The following RIT1 variants were observed in gnomAD, a reference collection of about 807,000 sequenced individuals.
RIT1 encodes Ras like without CAAX 1.
RIT1 carries 6 observed loss-of-function variants against 25.6 expected under a neutral mutation model. That is an observed-to-expected ratio of 0.23 (90% CI 0.13 to 0.46). RIT1 has a LOEUF of 0.46. Ranked by LOEUF, RIT1 falls within the 20% of genes least tolerant of loss-of-function variation. The pLI is 0.99. For missense variants in RIT1, 219 were observed against 284.4 expected (o/e 0.77, Z 1.65); for synonymous variants, 81 against 94.1 (o/e 0.86, Z 0.80).
intron 1 of RIT1, 139 bp from the exon 2 acceptor site, chr1:155,910,943 C>CT: frequency 1.3e-6 from 2 of 1,510,154 alleles, no homozygotes; most frequent in Non-Finnish European, 1.8e-6. Context: ...CCACTGCACC[C>CT]TTTCGGGTGG....
At chr1:155,904,994 G>T (rs934244131) in intron 3 of RIT1, among the ~76,000 whole-genome samples, 190 bp from the exon 4 acceptor site, 2 of 152,102 alleles carry the variant, frequency 1.3e-5, no homozygotes, top group Non-Finnish European at 2.9e-5. Flanking sequence ...CCACATAGGT[G>T]ATGATGTAGT....
At chr1:155,907,363 C>T (rs1673466300) in intron 3 of RIT1, among the ~76,000 whole-genome samples, 1 of 151,930 alleles carries the variant, frequency 6.6e-6, no homozygotes, top group African/African-American at 2.4e-5. Flanking sequence ...CCTCAGCTTC[C>T]TGAGTAGCTG....
At chr1:155,901,868 T>C (rs1673318731) in intron 5 of RIT1, among the ~76,000 whole-genome samples, 1 of 151,770 alleles carries the variant, frequency 6.6e-6, no homozygotes, top group Admixed American at 6.6e-5. Flanking sequence ...TCCCAGCACT[T>C]TGGGAGGCTG....
chr1:155,903,461 A>AAAG (rs1247585668), intron 5 of RIT1, among the ~76,000 whole-genome samples: 1 of 151,266 alleles, frequency 6.6e-6, no homozygotes, highest in East Asian at 1.9e-4. Context: ...TCAAAAAAAA[A>AAAG]AAAAAAAAAA....
rs1354654957 is a variant in RIT1, at chr1:155,904,400, A to G, written c.340T>C (p.Phe114Leu). Residue 114 changes from phenylalanine to leucine, a missense_variant, in exon 5 of 6, where the codon TTT becomes CTT. Transcript: ENST00000368323. Reference sequence around the variant, plus strand: ...CGGACTCGATAAATAAGCTGTTTAAACTCACGAACTTCATGGAAACTTCGA... The same window carrying G: ...CGGACTCGATAAATAAGCTGTTTAAGCTCACGAACTTCATGGAAACTTCGA... The part of the protein sequence containing the change: ...DRRSFHEVRE[F>L]KQLIYRVRRT... 1 of 1,613,880 alleles carries G rather than the reference A, an allele frequency of 6.2e-7. No individual in the cohort carries two copies. Among genetic ancestry groups the G allele is most frequent in the African/African-American group, 1.3e-5 (1 of 74,882 alleles).
At chr1:155,902,862 A>T (rs1256614112) in intron 5 of RIT1, among the ~76,000 whole-genome samples, 1 of 151,536 alleles carries the variant, frequency 6.6e-6, no homozygotes, top group African/African-American at 2.4e-5. Flanking sequence ...AAATTAAAAT[A>T]AAAATTAAAA....
chr1:155,903,795 G>A (rs1673368906), intron 5 of RIT1, among the ~76,000 whole-genome samples: 1 of 152,198 alleles, frequency 6.6e-6, no homozygotes, highest in East Asian at 1.9e-4. Context: ...GATCACTTGA[G>A]TCCAGGTGTT....
intron 3 of RIT1, among the ~76,000 whole-genome samples, chr1:155,905,504 C>T (rs527598541): frequency 2.6e-5 from 4 of 151,742 alleles, no homozygotes; most frequent in African/African-American, 7.2e-5. Context: ...TCAGCCGAGA[C>T]CCCATCTCTT....
chr1:155,910,735 A>G lies in RIT1; in HGVS notation c.27T>C (p.Gly9=). 1 of 1,614,234 alleles carries G rather than the reference A, an allele frequency of 6.2e-7. No homozygotes were observed. The highest frequency in any genetic ancestry group is 8.5e-7 in the Non-Finnish European group (1 of 1,180,028). ...GCCCAGCGGGGCTGCTACAGCAGCT[A>G]CCAACTGGGCGAGTTCCAGAATCCA... MDSGTRPV[G]SCCSSPAGLS... is the part of the protein sequence containing the mutation. Residue 9 remains glycine (G), a synonymous_variant, in exon 2 of 6, where the codon GGT becomes GGC. Coordinates refer to ENST00000368323, the MANE Select transcript of RIT1 (RefSeq NM_006912.6).
chr1:155,911,216 C>A (rs1233962623), intron 1 of RIT1, 27 bp downstream of exon 1: 2 of 414,326 alleles, frequency 4.8e-6, no homozygotes, highest in African/African-American at 2.2e-5. Flanking sequence ...AGCTGCTGCT[C>A]CGCCGCCAGA....
In RIT1 at chr1:155,898,190, C is replaced by T. The variant is rs774525840; in HGVS notation, c.*2198G>A. 20 of 152,202 alleles carry T rather than the reference C, an allele frequency of 1.3e-4. No individual in the cohort carries two copies. The highest frequency in any genetic ancestry group is 2.6e-4 in the Admixed American group (4 of 15,258). The allele number at this position is 152,202 out of a possible 1,614,324, so 9.4% of individuals were successfully genotyped here. On this transcript the variant is annotated 3_prime_UTR_variant, in exon 6 of 6. Transcript: ENST00000368323. ...TATGACTTATGCATATCATACCTGT[C>T]AAGCTACCTAGCACCACGAATAGAA... is the stretch of plus-strand genomic sequence containing the variant.
At chr1:155,908,131 G>A (rs1167639874) in intron 3 of RIT1, among the ~76,000 whole-genome samples, 3 of 150,100 alleles carry the variant, frequency 2.0e-5, no homozygotes, top group Non-Finnish European at 4.4e-5. Flanking sequence ...ACTCTTACAG[G>A]AGACGAGTAT....
At position 155,898,541 on chromosome 1, in the gene RIT1, ATATC is replaced by A. The variant is rs371801115; in HGVS notation, c.*1843_*1846del. ...AAAATATATATATATATATATATAT[ATATC>A]TCTTAATGTTAATAACAATTCCCTA... On this transcript the variant is annotated 3_prime_UTR_variant, in exon 6 of 6. Coordinates refer to ENST00000368323, the MANE Select transcript of RIT1 (RefSeq NM_006912.6). 0.089 allele frequency: 10,342 copies of A among 116,404 alleles called. 544 individuals are homozygous for A. Among genetic ancestry groups the A allele is most frequent in the East Asian group, 0.24 (872 of 3,584 alleles). The allele number at this position is 116,404 out of a possible 1,614,324, so 7.2% of individuals were successfully genotyped here. A position where few individuals can be genotyped will look rare whatever the true frequency, so the allele number is the denominator to read the frequency against.
In RIT1 at chr1:155,898,207, C is replaced by T. The variant is rs762245892; in HGVS notation, c.*2181G>A. 1.3e-5 allele frequency: 2 copies of T among 152,058 alleles called. No individual in the cohort carries two copies. The highest frequency in any genetic ancestry group is 1.5e-5 in the Non-Finnish European group (1 of 67,970). The allele number at this position is 152,058 out of a possible 1,614,324, so 9.4% of individuals were successfully genotyped here. On this transcript the variant is annotated 3_prime_UTR_variant, in exon 6 of 6. Coordinates refer to ENST00000368323, the MANE Select transcript of RIT1 (RefSeq NM_006912.6). Reference sequence around the variant, plus strand: ...ATACCTGTCAAGCTACCTAGCACCACGAATAGAACTAATATTAATGGATGG... The same window carrying T: ...ATACCTGTCAAGCTACCTAGCACCATGAATAGAACTAATATTAATGGATGG...
At chr1:155,910,403 TA>T (rs1673566707) in intron 3 of RIT1, 46 bp downstream of exon 3, 2 of 1,462,780 alleles carry the variant, frequency 1.4e-6, no homozygotes, top group South Asian at 2.3e-5. Flanking sequence ...TTCATTAAGA[TA>T]TTTTTATGGG....
In RIT1 at chr1:155,898,519, ATATATAT is replaced by A. The variant is rs1200298456; in HGVS notation, c.*1862_*1868del. On this transcript the variant is annotated 3_prime_UTR_variant, in exon 6 of 6. Transcript: ENST00000368323. ...AAAAAAAAAAAAAAAAAAAAAAAAA[ATATATAT>A]ATATATATATATATATATCTCTTAA... 1.2e-5 allele frequency: 1 copy of A among 80,864 alleles called. No homozygotes were observed. The highest frequency in any genetic ancestry group is 5.1e-5 in the African/African-American group (1 of 19,676). 5.0% of individuals were successfully genotyped at this position (80,864 alleles called of 1,614,324 possible).
chr1:155,901,155 T>C (rs1022215218), intron 5 of RIT1, among the ~76,000 whole-genome samples: 1 of 152,144 alleles, frequency 6.6e-6, no homozygotes, highest in African/African-American at 2.4e-5. Flanking sequence ...CAGGGAATAG[T>C]TTTAGATATC....
intron 5 of RIT1, among the ~76,000 whole-genome samples, chr1:155,901,240 C>A (rs1024336464): frequency 5.9e-5 from 9 of 152,298 alleles, no homozygotes; most frequent in South Asian, 4.1e-4. Flanking sequence ...TGGCTCACAC[C>A]TGTAATTCCA....
At chr1:155,903,215 G>GAT (rs983209571) in intron 5 of RIT1, among the ~76,000 whole-genome samples, 3 of 151,938 alleles carry the variant, frequency 2.0e-5, no homozygotes, top group Non-Finnish European at 4.4e-5. Context: ...AGAATGGCAT[G>GAT]AACCTGGGAG....
Sources: allele counts gnomAD v4.1 joint callset (sites outside exome capture counted in the v4.1 genomes callset), GRCh38; gene constraint gnomAD v4.1.1; transcripts MANE v1.5; gene names NCBI Gene and HGNC (gene_info 2026-07-23, HGNC 2026-07-21).